The following ARB2A variants were observed in gnomAD, a reference collection of about 807,000 sequenced individuals.
ARB2A encodes cotranscriptional regulator ARB2A.
the ARB2A span, among the ~76,000 whole-genome samples, chr5:94,084,750 C>T: frequency 6.6e-6 from 1 of 152,102 alleles, no homozygotes; most frequent in African/African-American, 2.4e-5. Flanking sequence ...ATGACACCAT[C>T]ATATCACTGG....
At chr5:93,880,564 T>C in the ARB2A span, among the ~76,000 whole-genome samples, 4 of 151,784 alleles carry the variant, frequency 2.6e-5, no homozygotes, top group Non-Finnish European at 5.9e-5. Flanking sequence ...TTGCTCACTT[T>C]TGAGGACTAT....
chr5:93,924,678 G>C, the ARB2A span, among the ~76,000 whole-genome samples: 98 of 152,246 alleles, frequency 6.4e-4, no homozygotes, highest in Non-Finnish European at 1.1e-3. Flanking sequence ...CAGCAAATAA[G>C]AAACAAATAA....
the ARB2A span, among the ~76,000 whole-genome samples, chr5:93,661,610 T>C: frequency 6.6e-6 from 1 of 151,980 alleles, no homozygotes; most frequent in Non-Finnish European, 1.5e-5. Context: ...AAAAATTGTC[T>C]TGGGCCACAC....
At chr5:93,639,813 G>A in the ARB2A span, among the ~76,000 whole-genome samples, 5 of 151,974 alleles carry the variant, frequency 3.3e-5, no homozygotes, top group Non-Finnish European at 5.9e-5. Context: ...TTGGGAGGCC[G>A]AGGCAGGAGA....
the ARB2A span, among the ~76,000 whole-genome samples, chr5:93,905,088 T>C: frequency 6.6e-6 from 1 of 151,752 alleles, no homozygotes; most frequent in Non-Finnish European, 1.5e-5. Flanking sequence ...GAATTGTCTC[T>C]GTCCCAAGTC....
At chr5:94,014,727 G>A in the ARB2A span, among the ~76,000 whole-genome samples, 1 of 151,534 alleles carries the variant, frequency 6.6e-6, no homozygotes, top group Non-Finnish European at 1.5e-5. Flanking sequence ...TGAAAATCTT[G>A]GAACGGAGAA....
the ARB2A span, among the ~76,000 whole-genome samples, chr5:93,768,497 G>A: frequency 9.4e-5 from 14 of 148,520 alleles, no homozygotes; most frequent in East Asian, 9.8e-4. Context: ...AAAAGTATAC[G>A]CTATATATAG....
chr5:94,033,614 G>A, the ARB2A span, among the ~76,000 whole-genome samples: 1 of 152,016 alleles, frequency 6.6e-6, no homozygotes, highest in Non-Finnish European at 1.5e-5. Flanking sequence ...TTGCAGAGAC[G>A]GGGTTTCACC....
chr5:93,818,484 A>C, the ARB2A span, among the ~76,000 whole-genome samples: 3 of 152,230 alleles, frequency 2.0e-5, no homozygotes, highest in African/African-American at 4.8e-5. Context: ...AGAAATAAAA[A>C]AGTTTAAAAA....
the ARB2A span, among the ~76,000 whole-genome samples, chr5:93,935,622 C>A: frequency 6.6e-6 from 1 of 152,128 alleles, no homozygotes; most frequent in Non-Finnish European, 1.5e-5. Flanking sequence ...TCAAGGTAAA[C>A]GGCAGTGTAC....
At chr5:93,765,063 A>C in the ARB2A span, among the ~76,000 whole-genome samples, 5 of 152,132 alleles carry the variant, frequency 3.3e-5, no homozygotes, top group Admixed American at 2.0e-4. Context: ...TAAGAGCTAT[A>C]TATGACAAAC....
At chr5:93,735,129 A>G in the ARB2A span, 2 of 152,204 alleles carry the variant, frequency 1.3e-5, no homozygotes, top group Non-Finnish European at 2.9e-5. Context: ...TTAACAATAT[A>G]GTCTTGGTTT....
chr5:93,738,736 T>C, the ARB2A span: 1 of 152,238 alleles, frequency 6.6e-6, no homozygotes, highest in Non-Finnish European at 1.5e-5. Flanking sequence ...GTTCCATGAA[T>C]ATGAACTGCT....
At chr5:93,686,754 A>G in the ARB2A span, among the ~76,000 whole-genome samples, 3 of 152,192 alleles carry the variant, frequency 2.0e-5, no homozygotes, top group Admixed American at 6.5e-5. Flanking sequence ...TTGCTCCTAC[A>G]AACAAATCAT....
At chr5:94,035,775 A>T in the ARB2A span, among the ~76,000 whole-genome samples, 1 of 152,156 alleles carries the variant, frequency 6.6e-6, no homozygotes, top group African/African-American at 2.4e-5. Context: ...CAAACACCGC[A>T]TGTTCTCACT....
At chr5:93,805,290 T>C in the ARB2A span, 1 of 985,214 alleles carries the variant, frequency 1.0e-6, no homozygotes, top group Non-Finnish European at 1.2e-6. Flanking sequence ...GAAAGCTTTT[T>C]GGCAATTCCT....
the ARB2A span, among the ~76,000 whole-genome samples, chr5:93,833,168 A>G: frequency 2.0e-5 from 3 of 152,188 alleles, no homozygotes; most frequent in Admixed American, 1.3e-4. Context: ...CTTCTAGAAT[A>G]TAACCAACTT....
At chr5:94,050,886 T>A in the ARB2A span, 1 of 1,200,180 alleles carries the variant, frequency 8.3e-7, no homozygotes, top group Non-Finnish European at 1.2e-6. Context: ...GACAATAATA[T>A]AAACAGTACA....
the ARB2A span, among the ~76,000 whole-genome samples, chr5:94,015,388 A>AAC: frequency 6.6e-6 from 1 of 152,184 alleles, no homozygotes; most frequent in Non-Finnish European, 1.5e-5. Flanking sequence ...TCTTACAAGA[A>AAC]ACACAAGAGA....
Sources: gnomAD v4.1 joint callset for allele counts (sites outside exome capture counted in the v4.1 genomes callset) on GRCh38, gnomAD v4.1.1 for gene constraint, MANE v1.5 for transcripts, NCBI Gene and HGNC (gene_info 2026-07-23, HGNC 2026-07-21) for gene names.